Variants in TTBK2 observed in about 807,000 individuals in gnomAD.
TTBK2 encodes tau tubulin kinase 2, also known as tau-tubulin kinase 2.
In TTBK2, 28 loss-of-function variants were observed where a neutral mutation model predicts 110.8. That is an observed-to-expected ratio of 0.25 (90% CI 0.19 to 0.35). The LOEUF (loss-of-function observed/expected upper bound fraction) is 0.35, where lower values mean the gene tolerates loss of function less well. Among genes scored for constraint, TTBK2 ranks in the 10% least tolerant of loss-of-function variants. The probability of loss-of-function intolerance (pLI) is 1.00; values close to 1 mark genes in which losing one functional copy is unlikely to be tolerated. For synonymous variants in TTBK2, 532 were observed against 527.3 expected (o/e 1.01, Z -0.12); for missense variants, 1,369 against 1,500.3 (o/e 0.91, Z 1.45).
intron 3 of TTBK2, among the ~76,000 whole-genome samples, chr15:42,870,502 G>T (rs188685698): frequency 6.6e-6 from 1 of 151,960 alleles, no homozygotes; most frequent in East Asian, 1.9e-4. Flanking sequence ...AGAGGAATTG[G>T]TCTATTAAAA....
At chr15:42,869,165 G>A (rs187265693) in intron 3 of TTBK2, among the ~76,000 whole-genome samples, 5 of 152,184 alleles carry the variant, frequency 3.3e-5, no homozygotes, top group African/African-American at 1.2e-4. Context: ...TTGGCTCACT[G>A]CAACCTCCGC....
At chr15:42,800,152 C>T (rs1383021453) in intron 9 of TTBK2, 1 of 372,318 alleles carries the variant, frequency 2.7e-6, no homozygotes, top group Non-Finnish European at 5.1e-6. Flanking sequence ...TAATGAGATT[C>T]TGAATAATCT....
At chr15:42,754,932 C>T (rs1214507014) in intron 13 of TTBK2, among the ~76,000 whole-genome samples, 3 of 144,948 alleles carry the variant, frequency 2.1e-5, no homozygotes, top group Admixed American at 7.1e-5. Flanking sequence ...CGCTTGAACC[C>T]GAGAGGCAGA....
chr15:42,792,974 T>C (rs1890763575), intron 10 of TTBK2, among the ~76,000 whole-genome samples: 1 of 152,174 alleles, frequency 6.6e-6, no homozygotes, highest in African/African-American at 2.4e-5. Context: ...TGAGACTTAT[T>C]TCTAACAACA....
intron 14 of TTBK2, 148 bp downstream of exon 14, chr15:42,751,826 A>T: frequency 2.2e-6 from 2 of 900,216 alleles, no homozygotes; most frequent in Non-Finnish European, 3.5e-6. Flanking sequence ...GATTACTTCT[A>T]CTGCACTAGG....
intron 11 of TTBK2, among the ~76,000 whole-genome samples, chr15:42,781,288 G>A (rs1185635468): frequency 1.3e-5 from 2 of 151,996 alleles, no homozygotes; most frequent in African/African-American, 2.4e-5. Context: ...CTCTAAACTT[G>A]TATGCACTTA....
intron 10 of TTBK2, among the ~76,000 whole-genome samples, chr15:42,786,971 T>TG (rs1199645084): frequency 6.6e-6 from 1 of 152,200 alleles, no homozygotes; most frequent in South Asian, 2.1e-4. Flanking sequence ...GGCAAGGTAT[T>TG]ATATAACTGA....
chr15:42,803,117 T>A (rs1334260278), intron 9 of TTBK2, among the ~76,000 whole-genome samples: 3 of 152,222 alleles, frequency 2.0e-5, no homozygotes, highest in African/African-American at 7.2e-5. Flanking sequence ...TATATATCTC[T>A]ATTCCATTAG....
chr15:42,778,392 G>A (rs999217444), intron 11 of TTBK2, among the ~76,000 whole-genome samples: 9 of 152,044 alleles, frequency 5.9e-5, no homozygotes, highest in Non-Finnish European at 1.2e-4. Flanking sequence ...TAGGCCGGGC[G>A]TGGTGGCTCA....
At chr15:42,839,980 T>C (rs1893154786) in intron 4 of TTBK2, among the ~76,000 whole-genome samples, 1 of 152,166 alleles carries the variant, frequency 6.6e-6, no homozygotes, top group Non-Finnish European at 1.5e-5. Flanking sequence ...TCTTTATGCA[T>C]TACTCAGTCT....
At position 42,775,470 on chromosome 15, in the gene TTBK2, C is replaced by T; in HGVS notation, c.1663G>A (p.Val555Met). Residue 555 changes from valine (V) to methionine (M), a missense_variant, in exon 13 of 15, where the codon GTG (valine) becomes ATG (methionine). By Grantham distance (21) the Val-to-Met change is conservative (BLOSUM62 1). Transcript: ENST00000267890. ...TCCTGAAGGTCCTGCTCCTTGTCCACAATCACCCATTCTTTGGAATCAATT... is the reference window on the plus strand; with the variant it reads ...TCCTGAAGGTCCTGCTCCTTGTCCATAATCACCCATTCTTTGGAATCAATT... Reference protein sequence around the residue: ...QEIDSKEWVIVDKEQDLQDFR... With the variant: ...QEIDSKEWVIMDKEQDLQDFR... 2 of 1,614,224 alleles carry T rather than the reference C, an allele frequency of 1.2e-6. No homozygotes were observed. The highest frequency in any genetic ancestry group is 1.7e-6 in the Non-Finnish European group (2 of 1,180,048).
chr15:42,751,988 A>G lies in TTBK2; in HGVS notation c.3258T>C (p.Pro1086=), dbSNP rs772205818. 9.5e-5 allele frequency: 153 copies of G among 1,614,014 alleles called. 1 individual carries two copies. The highest frequency in any genetic ancestry group is 3.2e-4 in the Admixed American group (19 of 59,996). ...RPPPGKPPTR[P]GVEARLRRYK... ...CACAGCATTACCTGGCTTCTACTCC[A>G]GGCCTCGTGGGTGGCTTTCCTGGTG... The change falls in exon 14 of 15, where the codon CCT becomes CCC. Residue 1086 remains proline, a synonymous_variant. Transcript: ENST00000267890.
intron 10 of TTBK2, among the ~76,000 whole-genome samples, chr15:42,791,678 G>C (rs1211735261): frequency 1.3e-5 from 2 of 152,156 alleles, no homozygotes; most frequent in Admixed American, 6.5e-5. Context: ...CTCAGCCCTT[G>C]GGCAGGGGTG....
At chr15:42,775,849 A>T (rs1229139062) in intron 12 of TTBK2, 126 bp from the exon 13 acceptor site, 1 of 717,916 alleles carries the variant, frequency 1.4e-6, no homozygotes, top group East Asian at 2.8e-5. Flanking sequence ...AAGCACAAGG[A>T]AAGTTTCACA....
chr15:42,828,215 T>A (rs1215990154), intron 5 of TTBK2, among the ~76,000 whole-genome samples, 183 bp from the exon 6 acceptor site: 1 of 152,160 alleles, frequency 6.6e-6, no homozygotes, highest in Non-Finnish European at 1.5e-5. Flanking sequence ...GTTCTATTAG[T>A]GCCTAATATC....
intron 11 of TTBK2, among the ~76,000 whole-genome samples, chr15:42,778,946 A>G (rs911457266): frequency 2.0e-5 from 3 of 152,236 alleles, no homozygotes; most frequent in African/African-American, 7.2e-5. Flanking sequence ...TAGAAACATC[A>G]TAGTGAAAAC....
At chr15:42,816,085 A>AATATATATATATAT (rs71431870) in intron 7 of TTBK2, among the ~76,000 whole-genome samples, 54 of 67,424 alleles carry the variant, frequency 8.0e-4, no homozygotes, top group African/African-American at 2.2e-3. Flanking sequence ...TAAATAAATA[A>AATATATATATATAT]ATATATATAT....
chr15:42,774,486 T>C (rs1054723021), intron 13 of TTBK2, among the ~76,000 whole-genome samples: 27 of 152,046 alleles, frequency 1.8e-4, no homozygotes, highest in African/African-American at 6.3e-4. Context: ...TAAACAATAG[T>C]CGTTCCTCAA....
intron 1 of TTBK2, among the ~76,000 whole-genome samples, chr15:42,903,710 CTCCTGCTATTGA>C (rs2030205934): frequency 6.6e-6 from 1 of 152,222 alleles, no homozygotes; most frequent in Non-Finnish European, 1.5e-5. Flanking sequence ...TGACCCTCAT[CTCCTGCTATTGA>C]TCCTTTCCCT....
Sources: allele counts gnomAD v4.1 joint callset (sites outside exome capture counted in the v4.1 genomes callset), GRCh38; gene constraint gnomAD v4.1.1; transcripts MANE v1.5; gene names NCBI Gene and HGNC (gene_info 2026-07-23, HGNC 2026-07-21).